Variants in ZBTB47 observed in about 807,000 individuals in gnomAD.
ZBTB47 encodes zinc finger and BTB domain-containing protein 47.
A neutral mutation model predicts 56.6 loss-of-function variants in ZBTB47; 24 were observed. That is an observed-to-expected ratio of 0.42 (90% CI 0.31 to 0.60). ZBTB47 has a LOEUF of 0.60. ZBTB47 is among the 20% of genes least tolerant of loss of function. The probability of loss-of-function intolerance (pLI) is 0.14; values close to 1 mark genes in which losing one functional copy is unlikely to be tolerated. For missense variants in ZBTB47, 829 were observed against 1,032.6 expected (o/e 0.80, Z 2.70); for synonymous variants, 414 against 418.9 (o/e 0.99, Z 0.14).
chr3:42,663,029 C>T lies in ZBTB47; in HGVS notation c.1639C>T (p.Pro547Ser). The T allele has an allele frequency of 6.2e-7, 1 of 1,613,742 alleles. No individual in the cohort carries two copies. The highest frequency in any genetic ancestry group is 8.5e-7 in the Non-Finnish European group (1 of 1,179,646). ...CCTCGTAGCCCACACCAAGGACATGCCCTTCACCTGCGAGACCTGCGGAAA... is the reference window on the plus strand; with the variant it reads ...CCTCGTAGCCCACACCAAGGACATGTCCTTCACCTGCGAGACCTGCGGAAA... Reference protein sequence around the residue: ...KHMVAHTKDMPFTCETCGKSF... With the variant: ...KHMVAHTKDMSFTCETCGKSF... The change falls in exon 4 of 6, where the codon CCC becomes TCC. Residue 547 changes from proline (P) to serine (S), a missense_variant. Around this residue, in one of 6 missense-constraint regions of ZBTB47, gnomAD observed 187 missense variants for 253.1 expected, o/e 0.74. Coordinates refer to ENST00000232974, the MANE Select transcript of ZBTB47 (RefSeq NM_145166.4). The surrounding 1 kb of genome is among the most constrained non-coding windows in gnomAD (Gnocchi z 5.1).
In ZBTB47 at chr3:42,654,512, T is replaced by C. The variant is rs866243138; in HGVS notation, c.-82+629T>C. The C allele has an allele frequency of 5.6e-6, 1 of 178,030 alleles. No individual in the cohort carries two copies. The highest frequency in any genetic ancestry group is 1.9e-4 in the South Asian group (1 of 5,382). The allele number at this position is 178,030 out of a possible 1,614,324, so 11.0% of individuals were successfully genotyped here. ...CCGAGGCTCTGGGGCCGCAGCTGCT[T>C]GGCGCTGGACTCGCCGCGGCCCTGC... is the stretch of plus-strand genomic sequence containing the variant. On this transcript the variant is annotated intron_variant, in intron 1 of 5. Coordinates refer to ENST00000232974, the MANE Select transcript of ZBTB47 (RefSeq NM_145166.4). This position sits in a 1 kb window ranked among gnomAD's most constrained non-coding sequence, Gnocchi z 5.0.
At position 42,663,764 on chromosome 3, in the gene ZBTB47, T is replaced by G; in HGVS notation, c.1738-33T>G. On this transcript the variant is annotated intron_variant, in intron 4 of 5. Coordinates refer to ENST00000232974, the MANE Select transcript of ZBTB47 (RefSeq NM_145166.4). The surrounding 1 kb of genome is among the most constrained non-coding windows in gnomAD (Gnocchi z 5.1). ...CCACAAAGGCTGCTCTTCTGCTCTG[T>G]GCCTGGGCCTCACCCCCAAACCCCA... is the stretch of plus-strand genomic sequence containing the variant. 6.2e-7 allele frequency: 1 copy of G among 1,611,218 alleles called. No individual in the cohort carries two copies. The highest frequency in any genetic ancestry group is 2.2e-5 in the East Asian group (1 of 44,732).
In ZBTB47 at chr3:42,665,535, A is replaced by C. The variant is rs1339962574; in HGVS notation, c.*937A>C. The C allele has an allele frequency of 6.5e-6, 1 of 152,972 alleles. No individual in the cohort carries two copies. The highest frequency in any genetic ancestry group is 1.5e-5 in the Non-Finnish European group (1 of 68,340). The allele number at this position is 152,972 out of a possible 1,614,324, so 9.5% of individuals were successfully genotyped here. A position where few individuals can be genotyped will look rare whatever the true frequency, so the allele number is the denominator to read the frequency against. On this transcript the variant is annotated 3_prime_UTR_variant, in exon 6 of 6. Coordinates refer to ENST00000232974, the MANE Select transcript of ZBTB47 (RefSeq NM_145166.4). Reference sequence around the variant, plus strand: ...AGGGCGGCTGCTCACAGAGCACCCCAGTTCCTCACCAGCTACTCTGGCCAT... The same window carrying C: ...AGGGCGGCTGCTCACAGAGCACCCCCGTTCCTCACCAGCTACTCTGGCCAT...
chr3:42,655,851 C>A lies in ZBTB47; in HGVS notation c.-82+1968C>A, dbSNP rs79924020. On this transcript the variant is annotated intron_variant, in intron 1 of 5. Transcript: ENST00000232974. ...GGTGCTGCCTTGGCTGAGAGTACTA[C>A]CTTAGCAATGGAGTGTTTGAGAAAG... Among the ~76,000 whole-genome samples the A allele has an allele frequency of 5.3e-3, 802 of 152,354 alleles. 8 individuals are homozygous for A. Among genetic ancestry groups the A allele is most frequent in the African/African-American group, 0.018 (765 of 41,574 alleles).
Position 42,654,568 on chromosome 3 carries a change from G to A in ZBTB47, c.-82+685G>A, listed in dbSNP as rs1288263445. 9.7e-6 allele frequency: 5 copies of A among 517,008 alleles called. No individual in the cohort carries two copies. The highest frequency in any genetic ancestry group is 1.6e-4 in the South Asian group (2 of 12,272). 32.0% of individuals were successfully genotyped at this position (517,008 alleles called of 1,614,324 possible). On this transcript the variant is annotated intron_variant, in intron 1 of 5. Coordinates refer to ENST00000232974, the MANE Select transcript of ZBTB47 (RefSeq NM_145166.4). This position sits in a 1 kb window ranked among gnomAD's most constrained non-coding sequence, Gnocchi z 5.0. ...CGCCTGCCTGGCCGCGCCCCCGGGGGCCATGGTCGCGGGGCCCTGCGCGGG... is the reference window on the plus strand; with the variant it reads ...CGCCTGCCTGGCCGCGCCCCCGGGGACCATGGTCGCGGGGCCCTGCGCGGG...
At chr3:42,662,045 C>T (rs948837566) in intron 3 of ZBTB47, among the ~76,000 whole-genome samples, 1 of 152,212 alleles carries the variant, frequency 6.6e-6, no homozygotes, top group Non-Finnish European at 1.5e-5. Flanking sequence ...TCTTTCTTAC[C>T]TTCTGGTCCT....
At chr3:42,662,678 C>T (rs973516078) in intron 3 of ZBTB47, among the ~76,000 whole-genome samples, 1 of 152,164 alleles carries the variant, frequency 6.6e-6, no homozygotes, top group Non-Finnish European at 1.5e-5. Context: ...GTGGTCGGGC[C>T]GGGATTTGAG....
rs1280049453 is a variant in ZBTB47 at position 42,654,488 on chromosome 3, C to G, written c.-82+605C>G. On this transcript the variant is annotated intron_variant, in intron 1 of 5. Coordinates refer to ENST00000232974, the MANE Select transcript of ZBTB47 (RefSeq NM_145166.4). The surrounding 1 kb of genome is among the most constrained non-coding windows in gnomAD (Gnocchi z 5.0). ...CCCCGCGCCCCCCGCCCGCCGCGCCCGAGGCTCTGGGGCCGCAGCTGCTTG... is the reference window on the plus strand; with the variant it reads ...CCCCGCGCCCCCCGCCCGCCGCGCCGGAGGCTCTGGGGCCGCAGCTGCTTG... The G allele has an allele frequency of 1.3e-5, 2 of 158,496 alleles. No individual in the cohort carries two copies. Among genetic ancestry groups the G allele is most frequent in the East Asian group, 2.0e-4 (1 of 5,110 alleles). 9.8% of individuals were successfully genotyped at this position (158,496 alleles called of 1,614,324 possible).
In ZBTB47 at chr3:42,654,950, G is replaced by T. The variant is rs538471689; in HGVS notation, c.-82+1067G>T. Among the ~76,000 whole-genome samples the T allele has an allele frequency of 7.9e-5, 12 of 152,108 alleles. No individual in the cohort carries two copies. The highest frequency in any genetic ancestry group is 1.3e-4 in the Non-Finnish European group (9 of 67,992). ...GAGGTCTTGCTAGGCACCGGCGAAG[G>T]GGGGCGCTCCCCTGCGCCCGGACGG... On this transcript the variant is annotated intron_variant, in intron 1 of 5. Transcript: ENST00000232974. The surrounding 1 kb of genome is among the most constrained non-coding windows in gnomAD (Gnocchi z 5.0).
At chr3:42,657,141 C>T (rs1398853187) in intron 1 of ZBTB47, among the ~76,000 whole-genome samples, 1 of 152,162 alleles carries the variant, frequency 6.6e-6, no homozygotes, top group Non-Finnish European at 1.5e-5. Flanking sequence ...TGCTGCCCAC[C>T]TTTTGGGGAG....
Position 42,663,732 on chromosome 3 carries a change from G to T in ZBTB47, c.1738-65G>T. The T allele has an allele frequency of 6.3e-7, 1 of 1,585,648 alleles. No homozygotes were observed. Among genetic ancestry groups the T allele is most frequent in the South Asian group, 1.1e-5 (1 of 88,340 alleles). ...TTGGCCCTGTGGCCACAGGGGAGCT[G>T]TTCCCTCCACAAAGGCTGCTCTTCT... On this transcript the variant is annotated intron_variant, in intron 4 of 5. Coordinates refer to ENST00000232974, the MANE Select transcript of ZBTB47 (RefSeq NM_145166.4). This position sits in a 1 kb window ranked among gnomAD's most constrained non-coding sequence, Gnocchi z 5.1.
Position 42,656,365 on chromosome 3 carries a change from G to A in ZBTB47, c.-81-1910G>A, listed in dbSNP as rs1193252661. Among the ~76,000 whole-genome samples the A allele has an allele frequency of 2.0e-5, 3 of 152,194 alleles. No homozygotes were observed. The highest frequency in any genetic ancestry group is 4.4e-5 in the Non-Finnish European group (3 of 68,032). On this transcript the variant is annotated intron_variant, in intron 1 of 5. Coordinates refer to ENST00000232974, the MANE Select transcript of ZBTB47 (RefSeq NM_145166.4). The surrounding 1 kb of genome is among the most constrained non-coding windows in gnomAD (Gnocchi z 5.8). ...GTCTTAGCGGAGCTGGGAGTCCAGG[G>A]GCTCTGGACTGTGGAACCCTCTCAT...
At chr3:42,662,666 C>T (rs970633489) in intron 3 of ZBTB47, among the ~76,000 whole-genome samples, 1 of 152,216 alleles carries the variant, frequency 6.6e-6, no homozygotes, top group African/African-American at 2.4e-5. Flanking sequence ...AGTGGGAAGC[C>T]AGTGGTCGGG....
At chr3:42,661,938 T>C (rs879292996) in intron 3 of ZBTB47, among the ~76,000 whole-genome samples, 21 of 152,232 alleles carry the variant, frequency 1.4e-4, no homozygotes, top group Non-Finnish European at 2.5e-4. Context: ...CGGGCTCGTG[T>C]CCACCCAGGG....
chr3:42,661,662 A>G (rs2125838171), intron 3 of ZBTB47, 30 bp downstream of exon 3: 1 of 1,610,744 alleles, frequency 6.2e-7, no homozygotes, highest in Non-Finnish European at 8.5e-7. Flanking sequence ...GGATGGAGCC[A>G]GAGGATAGAG....
chr3:42,661,785 G>A (rs551481174), intron 3 of ZBTB47, among the ~76,000 whole-genome samples, 153 bp downstream of exon 3: 2 of 152,324 alleles, frequency 1.3e-5, no homozygotes, highest in South Asian at 2.1e-4. Flanking sequence ...TCCAGTGGCA[G>A]GTGTAGCCTG....
At chr3:42,661,104 A>G (rs1158650190) in intron 2 of ZBTB47, among the ~76,000 whole-genome samples, 3 of 152,090 alleles carry the variant, frequency 2.0e-5, no homozygotes, top group Non-Finnish European at 4.4e-5. Context: ...ACTCTGTGGG[A>G]CCTGTTATCT....
chr3:42,661,493 A>G lies in ZBTB47; in HGVS notation c.1482A>G (p.Thr494=). Residue 494 remains threonine (T), a synonymous_variant, in exon 3 of 6, where the codon ACA becomes ACG. Transcript: ENST00000232974. ...TDCERNIQCV[T]CGKAFKKLWS... ...GTCCTCTTATTCTGCAGTGTGTGAC[A>G]TGTGGCAAAGCTTTCAAGAAGCTTT... 4 of 1,613,916 alleles carry G rather than the reference A, an allele frequency of 2.5e-6. No homozygotes were observed. The highest frequency in any genetic ancestry group is 3.4e-6 in the Non-Finnish European group (4 of 1,179,836).
At position 42,666,292 on chromosome 3, in the gene ZBTB47, G is replaced by A. The variant is rs968278824; in HGVS notation, c.*1694G>A. On this transcript the variant is annotated 3_prime_UTR_variant, in exon 6 of 6. Transcript: ENST00000232974. ...ATTGATGTTGGAGCTGTAGACGTACGCTCAGGCGCTCCTGCTGTCCTGGGG... is the reference window on the plus strand; with the variant it reads ...ATTGATGTTGGAGCTGTAGACGTACACTCAGGCGCTCCTGCTGTCCTGGGG... Among the ~76,000 whole-genome samples the A allele has an allele frequency of 2.6e-5, 4 of 152,206 alleles. No individual in the cohort carries two copies. The highest frequency in any genetic ancestry group is 4.8e-5 in the African/African-American group (2 of 41,464).
Sources: gnomAD v4.1 joint callset for allele counts (sites outside exome capture counted in the v4.1 genomes callset) on GRCh38, gnomAD v4.1.1 for gene constraint, gnomAD v4.1.1 regional missense constraint, Gnocchi (gnomAD v3.1) non-coding constraint, MANE v1.5 for transcripts, NCBI Gene and HGNC (gene_info 2026-07-23, HGNC 2026-07-21) for gene names.